Variants in IL15 observed in about 807,000 individuals in gnomAD.
The protein encoded by IL15 is interleukin-15.
Under a neutral mutation model 19.6 loss-of-function variants are expected in IL15, and 11 were observed. The ratio of observed to expected loss-of-function variants is 0.56; its 90% CI spans 0.35 to 0.93. The LOEUF (loss-of-function observed/expected upper bound fraction) is 0.93, where lower values mean the gene tolerates loss of function less well. Among genes scored for constraint, IL15 ranks in the 40% least tolerant of loss-of-function variants. The pLI, the probability that IL15 is intolerant of heterozygous loss-of-function variation, is 0.01. For missense variants in IL15, 197 were observed against 186.5 expected (o/e 1.06, Z -0.33); for synonymous variants, 58 against 59.6 (o/e 0.97, Z 0.12).
intron 2 of IL15, among the ~76,000 whole-genome samples, chr4:141,678,219 A>G (rs1451283014): frequency 6.6e-6 from 1 of 152,116 alleles, no homozygotes; most frequent in African/African-American, 2.4e-5. Flanking sequence ...TATTTCTGTG[A>G]TTTGCACTTG....
intron 3 of IL15, among the ~76,000 whole-genome samples, chr4:141,719,759 T>G (rs745693753): frequency 6.6e-6 from 1 of 152,194 alleles, no homozygotes; most frequent in African/African-American, 2.4e-5. Context: ...TGTGTAGTCT[T>G]AGAGGGCAGG....
rs1196586416 is a variant in IL15, at chr4:141,733,068, AT to A, written c.*227del. ...AACTTCTCTCAGACTTACTTTACTC[AT>A]TTTTTTAATTTATTATTGAAATTGT... On this transcript the variant is annotated 3_prime_UTR_variant, in exon 8 of 8. Transcript: ENST00000320650. 18 of 440,926 alleles carry A rather than the reference AT, an allele frequency of 4.1e-5. No individual in the cohort carries two copies. In the Middle Eastern group the frequency reaches 2.0e-3, roughly 48 times the overall value. The allele number at this position is 440,926 out of a possible 1,614,324, so 27.3% of individuals were successfully genotyped here. A position where few individuals can be genotyped will look rare whatever the true frequency, so the allele number is the denominator to read the frequency against.
intron 2 of IL15, among the ~76,000 whole-genome samples, chr4:141,684,544 T>A (rs1728647134): frequency 6.6e-6 from 1 of 152,202 alleles, no homozygotes; most frequent in South Asian, 2.1e-4. Flanking sequence ...TCAACCTGCC[T>A]ATCCACATGT....
intron 1 of IL15, among the ~76,000 whole-genome samples, chr4:141,652,457 C>T (rs957841805): frequency 1.3e-5 from 2 of 152,112 alleles, no homozygotes; most frequent in South Asian, 2.1e-4. Context: ...AGACGACCTC[C>T]CCCTTAGCAG....
Position 141,729,311 on chromosome 4 carries a change from C to T in IL15, c.241-536C>T, listed in dbSNP as rs116797668. Among the ~76,000 whole-genome samples, 854 of 152,160 alleles carry T rather than the reference C, an allele frequency of 5.6e-3. 16 individuals carry two copies. The highest frequency in any genetic ancestry group is 0.02 in the African/African-American group (827 of 41,532). Reference sequence around the variant, plus strand: ...TGTTGTGGAAAACATATTTTTGTGGCACCTAAGAGAGCCTTTTCTGATTTG... The same window carrying T: ...TGTTGTGGAAAACATATTTTTGTGGTACCTAAGAGAGCCTTTTCTGATTTG... On this transcript the variant is annotated intron_variant, in intron 6 of 7. Coordinates refer to ENST00000320650, the MANE Select transcript of IL15 (RefSeq NM_000585.5).
chr4:141,718,363 T>G (rs900056973), intron 2 of IL15: 3 of 152,098 alleles, frequency 2.0e-5, no homozygotes, highest in African/African-American at 7.2e-5. Context: ...TGATGAAGAT[T>G]ACGGTAAAGT....
chr4:141,701,723 T>C (rs1459526385), intron 2 of IL15, among the ~76,000 whole-genome samples: 1 of 152,106 alleles, frequency 6.6e-6, no homozygotes, highest in East Asian at 1.9e-4. Context: ...GAGTTCTCAA[T>C]TAGATGTCCT....
intron 2 of IL15, among the ~76,000 whole-genome samples, chr4:141,668,215 A>G (rs61635181): frequency 0.026 from 3,995 of 152,326 alleles, 172 homozygotes; most frequent in African/African-American, 0.09. Flanking sequence ...CTTGTTCAGA[A>G]GTATTTTCTT....
intron 1 of IL15, among the ~76,000 whole-genome samples, chr4:141,645,861 T>C (rs1428720588): frequency 6.6e-6 from 1 of 152,070 alleles, no homozygotes; most frequent in African/African-American, 2.4e-5. Flanking sequence ...CCACTTAGTC[T>C]TTCCACATGG....
Position 141,720,448 on chromosome 4 carries a change from G to T in IL15, c.13-21G>T, listed in dbSNP as rs41308485. 4.5e-3 allele frequency: 5,696 copies of T among 1,261,534 alleles called. 14 individuals are homozygous for T. Among genetic ancestry groups the T allele is most frequent in the Middle Eastern group, 5.6e-3 (30 of 5,344 alleles). The allele number at this position is 1,261,534 out of a possible 1,614,324, so 78.1% of individuals were successfully genotyped here. ...TTTTAACTAAAAAATTTAACCATTTGTCTATGATTATATTTTTCAGAAACC... is the reference window on the plus strand; with the variant it reads ...TTTTAACTAAAAAATTTAACCATTTTTCTATGATTATATTTTTCAGAAACC... On this transcript the variant is annotated intron_variant, in intron 3 of 7. Transcript: ENST00000320650.
At chr4:141,637,498 C>T (rs1056759525) in intron 1 of IL15, among the ~76,000 whole-genome samples, 1 of 151,856 alleles carries the variant, frequency 6.6e-6, no homozygotes, top group Non-Finnish European at 1.5e-5. Context: ...GGAAAAAATA[C>T]GAGCGAATTT....
At chr4:141,645,114 T>C (rs1045775144) in intron 1 of IL15, among the ~76,000 whole-genome samples, 1 of 152,198 alleles carries the variant, frequency 6.6e-6, no homozygotes. Flanking sequence ...TTTTTGTTTT[T>C]AAGTTCAATG....
At chr4:141,686,395 G>A (rs1411613768) in intron 2 of IL15, among the ~76,000 whole-genome samples, 1 of 152,072 alleles carries the variant, frequency 6.6e-6, no homozygotes, top group Non-Finnish European at 1.5e-5. Flanking sequence ...GCATATCAAG[G>A]TGCATCAAAA....
At chr4:141,660,972 C>T (rs1453287577) in intron 2 of IL15, among the ~76,000 whole-genome samples, 1 of 152,076 alleles carries the variant, frequency 6.6e-6, no homozygotes, top group Non-Finnish European at 1.5e-5. Context: ...GCATCCTCAC[C>T]AGTGCTGATG....
chr4:141,710,776 CAT>C (rs1217438191), intron 2 of IL15, among the ~76,000 whole-genome samples: 3 of 151,786 alleles, frequency 2.0e-5, no homozygotes, highest in Admixed American at 2.0e-4. Flanking sequence ...GGAAATTATA[CAT>C]GTCTGGCTTG....
intron 2 of IL15, among the ~76,000 whole-genome samples, chr4:141,680,417 A>G (rs1474539485): frequency 6.6e-6 from 1 of 152,216 alleles, no homozygotes; most frequent in African/African-American, 2.4e-5. Flanking sequence ...TTGTTTGAAT[A>G]TCAGAGACTT....
At chr4:141,670,984 T>TAC (rs1169111155) in intron 2 of IL15, among the ~76,000 whole-genome samples, 1 of 152,204 alleles carries the variant, frequency 6.6e-6, no homozygotes, top group Non-Finnish European at 1.5e-5. Flanking sequence ...GAGTTGTGTA[T>TAC]ATATCACAGT....
intron 2 of IL15, among the ~76,000 whole-genome samples, chr4:141,659,581 G>A (rs1248600885): frequency 6.6e-6 from 1 of 152,196 alleles, no homozygotes; most frequent in African/African-American, 2.4e-5. Context: ...TTTGAGTATT[G>A]AGTGATAATA....
At chr4:141,710,655 C>T (rs1175323458) in intron 2 of IL15, among the ~76,000 whole-genome samples, 1 of 151,966 alleles carries the variant, frequency 6.6e-6, no homozygotes, top group East Asian at 1.9e-4. Flanking sequence ...TTTTACTGCA[C>T]TTTCTTTTTT....
Sources: gnomAD v4.1 joint callset for allele counts (sites outside exome capture counted in the v4.1 genomes callset) on GRCh38, gnomAD v4.1.1 for gene constraint, MANE v1.5 for transcripts, NCBI Gene and HGNC (gene_info 2026-07-23, HGNC 2026-07-21) for gene names.